Variants in NUP153 observed in about 807,000 individuals in gnomAD.
The protein encoded by NUP153 is nuclear pore complex protein Nup153.
Under a neutral mutation model 134.6 loss-of-function variants are expected in NUP153, and 27 were observed. The ratio of observed to expected loss-of-function variants is 0.20; its 90% CI spans 0.15 to 0.28. The LOEUF (loss-of-function observed/expected upper bound fraction) is 0.28. Among genes scored for constraint, NUP153 ranks in the 10% least tolerant of loss-of-function variants. NUP153 has a pLI of 1.00. For missense variants in NUP153, 1,821 were observed against 1,731.3 expected, an observed-to-expected ratio of 1.05 and a Z score of -0.92; for synonymous variants, 640 against 623.5, an observed-to-expected ratio of 1.03 and a Z score of -0.40.
chr6:17,633,374 C>T (rs1201539415), intron 16 of NUP153, among the ~76,000 whole-genome samples: 1 of 152,242 alleles, frequency 6.6e-6, no homozygotes, highest in East Asian at 1.9e-4. Flanking sequence ...ATCTACTTCA[C>T]ATCCACTTCA....
chr6:17,631,013 A>G (rs1025596463), intron 17 of NUP153, among the ~76,000 whole-genome samples: 1 of 152,230 alleles, frequency 6.6e-6, no homozygotes, highest in African/African-American at 2.4e-5. Flanking sequence ...AAAGGGGAGC[A>G]TGAATTAACA....
intron 14 of NUP153, among the ~76,000 whole-genome samples, chr6:17,645,845 CA>C (rs1218508724): frequency 6.6e-6 from 1 of 152,160 alleles, no homozygotes; most frequent in Admixed American, 6.5e-5. Context: ...CTATCTCTCT[CA>C]AAACCAAACT....
At chr6:17,690,379 C>CAA (rs533406764) in intron 1 of NUP153, among the ~76,000 whole-genome samples, 3 of 138,884 alleles carry the variant, frequency 2.2e-5, no homozygotes, top group Non-Finnish European at 4.7e-5. Context: ...GACTCCGTCT[C>CAA]AAAAAAAAAA....
intron 1 of NUP153, among the ~76,000 whole-genome samples, chr6:17,696,235 CTAA>C (rs1561912263): frequency 6.6e-6 from 1 of 152,050 alleles, no homozygotes; most frequent in Non-Finnish European, 1.5e-5. Flanking sequence ...TTTTGAAGTA[CTAA>C]AGACTTCAGC....
chr6:17,634,068 T>C (rs536801458), intron 16 of NUP153, among the ~76,000 whole-genome samples: 15 of 152,250 alleles, frequency 9.9e-5, no homozygotes, highest in Admixed American at 9.2e-4. Flanking sequence ...TCTATTTCAA[T>C]CAATTTCTGA....
At position 17,675,171 on chromosome 6, in the gene NUP153, T is replaced by A. The variant is rs1164068716; in HGVS notation, c.723+58A>T. On this transcript the variant is annotated intron_variant, in intron 4 of 21. Transcript: ENST00000262077. The surrounding 1 kb of genome is among the most constrained non-coding windows in gnomAD (Gnocchi z 4.4). ...CTTGTCTCAGAAAAAAAAAAAAAAA[T>A]TATAAGCAATAAACACTCAAAACTA... is the stretch of plus-strand genomic sequence containing the variant. 5.4e-6 allele frequency: 8 copies of A among 1,474,068 alleles called. No individual in the cohort carries two copies. The highest frequency in any genetic ancestry group is 1.4e-5 in the African/African-American group (1 of 69,776). The allele number at this position is 1,474,068 out of a possible 1,614,324, so 91.3% of individuals were successfully genotyped here. A position where few individuals can be genotyped will look rare whatever the true frequency, so the allele number is the denominator to read the frequency against.
At chr6:17,655,098 C>T (rs1229318661) in intron 11 of NUP153, among the ~76,000 whole-genome samples, 1 of 152,094 alleles carries the variant, frequency 6.6e-6, no homozygotes, top group African/African-American at 2.4e-5. Context: ...TTGTATACTG[C>T]TACATGTTTT....
intron 14 of NUP153, 30 bp from the exon 15 acceptor site, chr6:17,640,094 T>C: frequency 6.7e-7 from 1 of 1,492,570 alleles, no homozygotes; most frequent in Non-Finnish European, 9.0e-7. Context: ...AATAACATTA[T>C]GCCAAATAAA....
At chr6:17,636,328 C>G (rs1348296803) in intron 16 of NUP153, among the ~76,000 whole-genome samples, 1 of 139,192 alleles carries the variant, frequency 7.2e-6, no homozygotes, top group Non-Finnish European at 1.5e-5. Flanking sequence ...CAGTGAGACT[C>G]TGTCTCAAAA....
At chr6:17,669,243 T>C in intron 7 of NUP153, 50 bp downstream of exon 7, 1 of 1,517,860 alleles carries the variant, frequency 6.6e-7, no homozygotes, top group Non-Finnish European at 9.1e-7. Context: ...CACACCCGGC[T>C]AATTTTTGTA....
intron 1 of NUP153, among the ~76,000 whole-genome samples, chr6:17,697,803 G>A (rs755698438): frequency 7.3e-5 from 11 of 151,294 alleles, no homozygotes; most frequent in Non-Finnish European, 1.5e-4. Context: ...AGAAACAGCT[G>A]GGGTGGGGGA....
In NUP153 at chr6:17,649,309, T is replaced by C. The variant is rs1766388370; in HGVS notation, c.1396-9A>G. The C allele has an allele frequency of 6.2e-7, 1 of 1,606,518 alleles. No individual in the cohort carries two copies. The highest frequency in any genetic ancestry group is 8.5e-7 in the Non-Finnish European group (1 of 1,177,530). On this transcript the variant is annotated splice_polypyrimidine_tract_variant and intron_variant, in intron 11 of 21. Transcript: ENST00000262077. ...ACTGGAACTTCCATTTCCTAAAACA[T>C]AACATGTTGCATGATATATTTCATC...
chr6:17,687,843 G>A lies in NUP153; in HGVS notation c.334+553C>T, dbSNP rs949279331. 3.9e-5 allele frequency among the ~76,000 whole-genome samples: 6 copies of A among 152,136 alleles called. No individual in the cohort carries two copies. The South Asian group carries it at 1.2e-3, about 31-fold the overall frequency. ...TTAAAGGATAGGCTTGGCTGGGCAC[G>A]GTGGCTCACGCCTGTAATCTCAGCA... On this transcript the variant is annotated intron_variant, in intron 2 of 21. Coordinates refer to ENST00000262077, the MANE Select transcript of NUP153 (RefSeq NM_005124.4).
intron 5 of NUP153, 105 bp from the exon 6 acceptor site, chr6:17,669,651 G>C: frequency 1.3e-6 from 1 of 776,140 alleles, no homozygotes; most frequent in Non-Finnish European, 2.2e-6. Flanking sequence ...AAGTAAAACA[G>C]GATTTAATGC....
At chr6:17,634,220 AT>A (rs2113779814) in intron 16 of NUP153, among the ~76,000 whole-genome samples, 1 of 152,204 alleles carries the variant, frequency 6.6e-6, no homozygotes, top group African/African-American at 2.4e-5. Context: ...AACCAGTGCC[AT>A]GTAGTTTTTG....
intron 20 of NUP153, among the ~76,000 whole-genome samples, chr6:17,621,907 T>G (rs1027913167): frequency 3.9e-5 from 6 of 152,174 alleles, no homozygotes; most frequent in South Asian, 2.1e-4. Flanking sequence ...TATTACACAT[T>G]GTATGTATGT....
rs752539688 is a variant in NUP153, at chr6:17,628,676, C to T, written c.3523G>A (p.Ala1175Thr). The T allele has an allele frequency of 6.2e-7, 1 of 1,604,084 alleles. No individual in the cohort carries two copies. The change falls in exon 18 of 22, where the codon GCT (alanine) becomes ACT (threonine). Residue 1175 changes from alanine to threonine, a missense_variant. Transcript: ENST00000262077. This position sits in a 1 kb window ranked among gnomAD's most constrained non-coding sequence, Gnocchi z 5.4. The part of the protein sequence containing the change: ...QPAKATFAFG[A>T]QTSTTADQGA... Reference sequence around the variant, plus strand: ...TTACCAGCTGTAGTACTAGTTTGAGCTCCAAAGGCAAAAGTGGCTTTTGCT... The same window carrying T: ...TTACCAGCTGTAGTACTAGTTTGAGTTCCAAAGGCAAAAGTGGCTTTTGCT...
chr6:17,630,352 A>T (rs1458202708), intron 17 of NUP153, among the ~76,000 whole-genome samples: 1 of 152,192 alleles, frequency 6.6e-6, no homozygotes, highest in East Asian at 1.9e-4. Flanking sequence ...ACAGAGTTGA[A>T]GCAATGTTTA....
chr6:17,658,446 A>G (rs1766971253), intron 11 of NUP153, among the ~76,000 whole-genome samples: 1 of 152,100 alleles, frequency 6.6e-6, no homozygotes, highest in Non-Finnish European at 1.5e-5. Context: ...GCACACAATA[A>G]CAACAAAAAA....
Sources: gnomAD v4.1 joint callset for allele counts (sites outside exome capture counted in the v4.1 genomes callset) on GRCh38, gnomAD v4.1.1 for gene constraint, Gnocchi (gnomAD v3.1) non-coding constraint, MANE v1.5 for transcripts, NCBI Gene and HGNC (gene_info 2026-07-23, HGNC 2026-07-21) for gene names.